SLC25A33: variants seen among roughly 807,000 people sequenced by gnomAD.
SLC25A33 encodes the protein solute carrier family 25 member 33.
In SLC25A33, 15 loss-of-function variants were observed where a neutral mutation model predicts 35.5. The ratio of observed to expected loss-of-function variants is 0.42; its 90% CI spans 0.28 to 0.65. The LOEUF (loss-of-function observed/expected upper bound fraction) is 0.65. Among genes scored for constraint, SLC25A33 ranks in the 30% least tolerant of loss-of-function variants. SLC25A33 has a pLI of 0.20. For missense variants in SLC25A33, 257 were observed against 398.5 expected, an observed-to-expected ratio of 0.64 and a Z score of 3.02; for synonymous variants, 136 against 148.7, an observed-to-expected ratio of 0.91 and a Z score of 0.62.
At chr1:9,576,334 A>G in intron 5 of SLC25A33, 1 of 348,068 alleles carries the variant, frequency 2.9e-6, no homozygotes, top group Non-Finnish European at 5.6e-6. Flanking sequence ...GGTTGGGTTA[A>G]GAGAGAGAAG....
intron 4 of SLC25A33, among the ~76,000 whole-genome samples, chr1:9,572,549 C>T (rs1256011518): frequency 2.6e-5 from 4 of 151,950 alleles, no homozygotes; most frequent in Non-Finnish European, 5.9e-5. Context: ...ACCCGGGAGG[C>T]GGAGCTTGCA....
chr1:9,570,108 G>A, intron 3 of SLC25A33, 150 bp from the exon 4 acceptor site: 2 of 574,042 alleles, frequency 3.5e-6, no homozygotes, highest in East Asian at 3.1e-5. Context: ...CCTGTGGCAG[G>A]TTTTGGTTTT....
intron 1 of SLC25A33, among the ~76,000 whole-genome samples, chr1:9,548,352 C>A (rs146120332): frequency 1.7e-4 from 26 of 152,262 alleles, no homozygotes; most frequent in African/African-American, 6.0e-4. Context: ...GAGGCCCAGG[C>A]GGGCGCATCT....
At chr1:9,541,942 G>A (rs1036939319) in intron 1 of SLC25A33, among the ~76,000 whole-genome samples, 2 of 151,924 alleles carry the variant, frequency 1.3e-5, no homozygotes, top group African/African-American at 2.4e-5. Context: ...TGGGACTACA[G>A]GTGCCCGCCA....
intron 5 of SLC25A33, among the ~76,000 whole-genome samples, chr1:9,574,719 GAAATA>G (rs1643636634): frequency 6.6e-6 from 1 of 152,146 alleles, no homozygotes; most frequent in Non-Finnish European, 1.5e-5. Context: ...AACCCTAGCT[GAAATA>G]AAATAAACTA....
At chr1:9,550,011 A>ATTTTTTTTTTTTTTTTTTTTTTTTTTT (rs70979761) in intron 1 of SLC25A33, among the ~76,000 whole-genome samples, 1 of 48,868 alleles carries the variant, frequency 2.0e-5, no homozygotes. Flanking sequence ...ATATATATAT[A>ATTTTTTTTTTTTTTTTTTTTTTTTTTT]TTTTTTTTTT....
chr1:9,553,830 G>A, intron 2 of SLC25A33, 25 bp downstream of exon 2: 1 of 1,595,942 alleles, frequency 6.3e-7, no homozygotes, highest in South Asian at 1.1e-5. Context: ...GTCTGCTCCT[G>A]CCACCTGCAC....
At chr1:9,561,771 G>A (rs1569859099) in intron 2 of SLC25A33, among the ~76,000 whole-genome samples, 2 of 152,054 alleles carry the variant, frequency 1.3e-5, no homozygotes, top group Admixed American at 1.3e-4. Flanking sequence ...AAGCTGAACA[G>A]GGTACATTAA....
intron 5 of SLC25A33, 78 bp downstream of exon 5, chr1:9,573,490 T>G: frequency 2.8e-5 from 33 of 1,184,516 alleles, no homozygotes; most frequent in Non-Finnish European, 3.7e-5. Context: ...TCCACATCTC[T>G]AAGGATGAGA....
intron 4 of SLC25A33, among the ~76,000 whole-genome samples, chr1:9,571,494 C>T (rs1054638493): frequency 1.1e-4 from 16 of 152,008 alleles, no homozygotes; most frequent in Non-Finnish European, 2.1e-4. Flanking sequence ...AGGGTTTCAC[C>T]GTGTTAGCCA....
intron 3 of SLC25A33, among the ~76,000 whole-genome samples, chr1:9,569,186 A>C (rs370102944): frequency 2.6e-5 from 4 of 151,250 alleles, no homozygotes; most frequent in East Asian, 3.9e-4. Flanking sequence ...TGGAGGTTGC[A>C]GTGAGCCCAG....
chr1:9,579,923 T>G, intron 5 of SLC25A33, 31 bp from the exon 6 acceptor site: 1 of 1,595,870 alleles, frequency 6.3e-7, no homozygotes, highest in African/African-American at 1.4e-5. Context: ...ATATGTCTCC[T>G]TAACAGCCTG....
Position 9,578,945 on chromosome 1 carries a change from C to T in SLC25A33, c.483-1009C>T, listed in dbSNP as rs898044602. ...TGATGAGCCTTACTGCTCCCTGCAG[C>T]TCTTTCTAAAATTAGGTCAAATGCT... On this transcript the variant is annotated intron_variant, in intron 5 of 6. Coordinates refer to ENST00000302692, the MANE Select transcript of SLC25A33 (RefSeq NM_032315.3). The surrounding 1 kb of genome is among the most constrained non-coding windows in gnomAD (Gnocchi z 4.3). Among the ~76,000 whole-genome samples, 7 of 152,234 alleles carry T rather than the reference C, an allele frequency of 4.6e-5. No homozygotes were observed. Among genetic ancestry groups the T allele is most frequent in the African/African-American group, 1.7e-4 (7 of 41,468 alleles).
At chr1:9,544,722 G>T (rs766438365) in intron 1 of SLC25A33, among the ~76,000 whole-genome samples, 1 of 152,184 alleles carries the variant, frequency 6.6e-6, no homozygotes, top group Non-Finnish European at 1.5e-5. Flanking sequence ...AGTATCATTT[G>T]TTGGCAAAAT....
Position 9,584,156 on chromosome 1 carries a change from T to C in SLC25A33, c.*1655T>C, listed in dbSNP as rs1643778864. On this transcript the variant is annotated 3_prime_UTR_variant, in exon 7 of 7. Transcript: ENST00000302692. ...ATTGTACATGAAGGTTGGTTTTCAA[T>C]TTGAACGTCTAGAAAGATACTCATT... The C allele has an allele frequency of 6.6e-6, 1 of 152,210 alleles. No individual in the cohort carries two copies. The highest frequency in any genetic ancestry group is 2.4e-5 in the African/African-American group (1 of 41,454). 9.4% of individuals were successfully genotyped at this position (152,210 alleles called of 1,614,324 possible). A position where few individuals can be genotyped will look rare whatever the true frequency, so the allele number is the denominator to read the frequency against.
chr1:9,543,580 G>A (rs1643126284), intron 1 of SLC25A33, among the ~76,000 whole-genome samples: 1 of 152,190 alleles, frequency 6.6e-6, no homozygotes, highest in South Asian at 2.1e-4. Flanking sequence ...TAGCATGGGG[G>A]TTCTGGTTGT....
intron 1 of SLC25A33, among the ~76,000 whole-genome samples, chr1:9,550,278 C>T (rs1281522588): frequency 6.7e-6 from 1 of 149,306 alleles, no homozygotes; most frequent in African/African-American, 2.5e-5. Flanking sequence ...TGAAAGAGGT[C>T]ACTGATTCGC....
intron 1 of SLC25A33, among the ~76,000 whole-genome samples, chr1:9,550,562 A>C (rs1188903748): frequency 6.6e-6 from 1 of 152,134 alleles, no homozygotes; most frequent in Admixed American, 6.6e-5. Context: ...CAGTATCTTT[A>C]AATGTTATAC....
chr1:9,552,755 T>C (rs1025982417), intron 1 of SLC25A33, among the ~76,000 whole-genome samples: 1 of 151,990 alleles, frequency 6.6e-6, no homozygotes, highest in Non-Finnish European at 1.5e-5. Flanking sequence ...TATGAAGCCA[T>C]TGGAAATGAT....
Sources: allele counts gnomAD v4.1 joint callset (sites outside exome capture counted in the v4.1 genomes callset), GRCh38; gene constraint gnomAD v4.1.1; non-coding constraint Gnocchi (gnomAD v3.1); transcripts MANE v1.5; gene names NCBI Gene and HGNC (gene_info 2026-07-23, HGNC 2026-07-21).